ZSCAN5A: variants seen among roughly 807,000 people sequenced by gnomAD.
ZSCAN5A encodes zinc finger and SCAN domain-containing protein 5A.
In ZSCAN5A, 12 loss-of-function variants were observed where a neutral mutation model predicts 23.7. The observed-to-expected ratio is 0.51, with a 90% CI of 0.32 to 0.82. ZSCAN5A has a LOEUF of 0.82. ZSCAN5A is among the 40% of genes least tolerant of loss of function. ZSCAN5A has a pLI of 0.03. For synonymous variants in ZSCAN5A, 257 were observed against 239.9 expected, an observed-to-expected ratio of 1.07 and a Z score of -0.66; for missense variants, 597 against 617.9, an observed-to-expected ratio of 0.97 and a Z score of 0.36.
intron 2 of ZSCAN5A, chr19:56,284,153 T>A: frequency 1.0e-6 from 1 of 985,466 alleles, no homozygotes; most frequent in Non-Finnish European, 1.2e-6. Flanking sequence ...ACCACGCATG[T>A]AACCTTGGCC....
At position 56,289,139 on chromosome 19, in the gene ZSCAN5A, A is replaced by G. The variant is rs567090469; in HGVS notation, c.-128+24144T>C. The stretch of plus-strand genomic sequence containing the variant: ...AAGGGAGCCCTGGTTTGTAGCGACT[A>G]CCACTTCCCATGGTGTAAATACTCT... On this transcript the variant is annotated intron_variant, in intron 2 of 5. Transcript: ENST00000683990. Among the ~76,000 whole-genome samples the G allele has an allele frequency of 6.6e-5, 10 of 152,254 alleles. No individual in the cohort carries two copies. The South Asian group carries it at 2.1e-3, about 32-fold the overall frequency.
In ZSCAN5A at chr19:56,297,617, A is replaced by C. The variant is rs1028958444; in HGVS notation, c.-128+15666T>G. 7.4e-6 allele frequency: 6 copies of C among 806,386 alleles called. No homozygotes were observed. In the African/African-American group the frequency reaches 1.2e-4, roughly 17 times the overall value. 50.0% of individuals were successfully genotyped at this position (806,386 alleles called of 1,614,324 possible). On this transcript the variant is annotated intron_variant, in intron 2 of 5. Transcript: ENST00000683990. The stretch of plus-strand genomic sequence containing the variant: ...CTATGATAAAGCCTTAGAAGAGAAG[A>C]TTTCAGGTAATCAAGGCCCTGCAGG...
chr19:56,301,957 G>A (rs1372079016), intron 2 of ZSCAN5A: 2 of 1,231,930 alleles, frequency 1.6e-6, no homozygotes, highest in Non-Finnish European at 2.0e-6. Context: ...CATCTCCACG[G>A]TTCTCTCCAG....
At chr19:56,223,222 G>C (rs1056019208) in intron 4 of ZSCAN5A, among the ~76,000 whole-genome samples, 1 of 152,182 alleles carries the variant, frequency 6.6e-6, no homozygotes, top group Non-Finnish European at 1.5e-5. Flanking sequence ...ACATGGCCAT[G>C]TGTCCGGAAA....
At position 56,268,962 on chromosome 19, in the gene ZSCAN5A, G is replaced by A. The variant is rs925439874; in HGVS notation, c.-127-43789C>T. Among the ~76,000 whole-genome samples, 4 of 152,140 alleles carry A rather than the reference G, an allele frequency of 2.6e-5. No individual in the cohort carries two copies. In the East Asian group the frequency reaches 7.7e-4, roughly 29 times the overall value. Reference sequence around the variant, plus strand: ...CATGTTCTAGCATGTATCAGTACTTGATTTCTTTTTACAGTTGAATAATAT... The same window carrying A: ...CATGTTCTAGCATGTATCAGTACTTAATTTCTTTTTACAGTTGAATAATAT... On this transcript the variant is annotated intron_variant, in intron 2 of 5. Coordinates refer to ENST00000683990, the MANE Select transcript of ZSCAN5A (RefSeq NM_001322064.3).
intron 2 of ZSCAN5A, among the ~76,000 whole-genome samples, chr19:56,355,469 A>C (rs957719196): frequency 6.7e-6 from 1 of 148,498 alleles, no homozygotes; most frequent in African/African-American, 2.5e-5. Flanking sequence ...TTTTTTTCCC[A>C]ATTTTTACTG....
chr19:56,227,158 A>T (rs2034030815), intron 2 of ZSCAN5A, among the ~76,000 whole-genome samples: 1 of 152,208 alleles, frequency 6.6e-6, no homozygotes, highest in Non-Finnish European at 1.5e-5. Flanking sequence ...CTTAAAAAAA[A>T]TTAGATTTCA....
intron 2 of ZSCAN5A, among the ~76,000 whole-genome samples, chr19:56,273,521 G>A (rs1433767051): frequency 6.6e-6 from 1 of 152,102 alleles, no homozygotes; most frequent in Non-Finnish European, 1.5e-5. Flanking sequence ...TCTAGTGTGG[G>A]GATTCGGAGA....
chr19:56,232,311 A>G (rs1372630684), intron 2 of ZSCAN5A, among the ~76,000 whole-genome samples: 1 of 152,108 alleles, frequency 6.6e-6, no homozygotes, highest in Non-Finnish European at 1.5e-5. Flanking sequence ...ATATTGATAG[A>G]CTCATACCAG....
chr19:56,238,027 A>T (rs1408609500), intron 2 of ZSCAN5A, among the ~76,000 whole-genome samples: 8 of 24,722 alleles, frequency 3.2e-4, no homozygotes, highest in Admixed American at 8.6e-4. Context: ...CAAAGAAACA[A>T]AAAGCAAGCC....
At chr19:56,287,436 TAC>T (rs1421025708) in intron 2 of ZSCAN5A, among the ~76,000 whole-genome samples, 1 of 152,164 alleles carries the variant, frequency 6.6e-6, no homozygotes, top group Non-Finnish European at 1.5e-5. Flanking sequence ...CCTGCGGAGC[TAC>T]ACAGTCTTCT....
chr19:56,337,237 C>T (rs1028748188), intron 2 of ZSCAN5A, among the ~76,000 whole-genome samples: 60 of 152,362 alleles, frequency 3.9e-4, no homozygotes, highest in Non-Finnish European at 6.8e-4. Context: ...CCACCCAGTT[C>T]GAGCTTCCCG....
chr19:56,242,968 G>A (rs1210678788), intron 2 of ZSCAN5A, among the ~76,000 whole-genome samples: 4 of 151,974 alleles, frequency 2.6e-5, no homozygotes, highest in African/African-American at 4.8e-5. Context: ...GAGTAGAGAC[G>A]AAGTTTCACC....
intron 2 of ZSCAN5A, among the ~76,000 whole-genome samples, chr19:56,236,739 T>C (rs549413243): frequency 6.6e-5 from 9 of 135,480 alleles, no homozygotes; most frequent in East Asian, 2.3e-4. Context: ...CAACCTCTGA[T>C]TGACCGTGGG....
At position 56,252,331 on chromosome 19, in the gene ZSCAN5A, C is replaced by T. The variant is rs186789280; in HGVS notation, c.-127-27158G>A. ...GCTGTAACAACGCAAAGGTTGGGGCCGCCCAGGAGAAAAAGGATTACACCA... is the reference window on the plus strand; with the variant it reads ...GCTGTAACAACGCAAAGGTTGGGGCTGCCCAGGAGAAAAAGGATTACACCA... On this transcript the variant is annotated intron_variant, in intron 2 of 5. Coordinates refer to ENST00000683990, the MANE Select transcript of ZSCAN5A (RefSeq NM_001322064.3). Among the ~76,000 whole-genome samples, 221 of 152,206 alleles carry T rather than the reference C, an allele frequency of 1.5e-3. 1 individual carries two copies. The highest frequency in any genetic ancestry group is 5.1e-3 in the African/African-American group (210 of 41,530).
intron 2 of ZSCAN5A, chr19:56,244,256 T>C (rs1310708973): frequency 1.2e-6 from 2 of 1,605,100 alleles, no homozygotes; most frequent in East Asian, 2.2e-5. Context: ...GTGCCATCTG[T>C]GGCTGAGGCC....
rs1442863984 is a variant in ZSCAN5A at position 56,310,878 on chromosome 19, G to C, written c.-128+2405C>G. 3.9e-5 allele frequency among the ~76,000 whole-genome samples: 6 copies of C among 152,300 alleles called. No individual in the cohort carries two copies. In the East Asian group the frequency reaches 1.2e-3, roughly 29 times the overall value. On this transcript the variant is annotated intron_variant, in intron 2 of 5. Coordinates refer to ENST00000683990, the MANE Select transcript of ZSCAN5A (RefSeq NM_001322064.3). The stretch of plus-strand genomic sequence containing the variant: ...CCCTTAATAGATATGCAGGCTTGGG[G>C]AAGGTATTGTCTCTTAATGCCTTAT...
intron 2 of ZSCAN5A, among the ~76,000 whole-genome samples, chr19:56,308,178 C>T (rs1032637484): frequency 4.6e-5 from 7 of 152,152 alleles, no homozygotes; most frequent in African/African-American, 1.4e-4. Context: ...GGACTACAGG[C>T]GAGTGCCACC....
chr19:56,292,995 T>C (rs1232702423), intron 2 of ZSCAN5A, among the ~76,000 whole-genome samples: 1 of 152,184 alleles, frequency 6.6e-6, no homozygotes, highest in East Asian at 1.9e-4. Flanking sequence ...ATTCTACCTT[T>C]CGGCTGAGGA....
Sources: gnomAD v4.1 joint callset for allele counts (sites outside exome capture counted in the v4.1 genomes callset) on GRCh38, gnomAD v4.1.1 for gene constraint, MANE v1.5 for transcripts, NCBI Gene and HGNC (gene_info 2026-07-23, HGNC 2026-07-21) for gene names.